The following TM4SF4 variants were observed in gnomAD, a reference collection of about 807,000 sequenced individuals.
TM4SF4 encodes transmembrane 4 L six family member 4.
A neutral mutation model predicts 24.1 loss-of-function variants in TM4SF4; 24 were observed. That is an observed-to-expected ratio of 1.00 (90% CI 0.72 to 1.40). The LOEUF (loss-of-function observed/expected upper bound fraction) is 1.40, where lower values mean the gene tolerates loss of function less well. Ranked by LOEUF, TM4SF4 falls within the 40% of genes most tolerant of loss-of-function variation. The pLI, the probability that TM4SF4 is intolerant of heterozygous loss-of-function variation, is 0.00. For missense variants in TM4SF4, 254 were observed against 254.2 expected (o/e 1.00, Z 0.01); for synonymous variants, 113 against 97.0 (o/e 1.17, Z -0.97).
At chr3:149,479,623 C>T (rs1327305549) in intron 2 of TM4SF4, among the ~76,000 whole-genome samples, 1 of 152,190 alleles carries the variant, frequency 6.6e-6, no homozygotes, top group East Asian at 1.9e-4. Context: ...TCCAAAGGCT[C>T]ACGCATTCCC....
intron 3 of TM4SF4, among the ~76,000 whole-genome samples, chr3:149,498,169 C>A (rs57941249): frequency 0.086 from 13,049 of 152,228 alleles, 1,107 homozygotes; most frequent in East Asian, 0.43. Flanking sequence ...TGAAATCAGG[C>A]TCTTCCCTTT....
intron 3 of TM4SF4, among the ~76,000 whole-genome samples, chr3:149,496,544 G>A (rs1034447359): frequency 1.1e-4 from 17 of 152,100 alleles, no homozygotes; most frequent in Admixed American, 4.6e-4. Flanking sequence ...CACTTTGGGC[G>A]GATCACCCGA....
Position 149,474,988 on chromosome 3 carries a change from T to C in TM4SF4, c.111T>C (p.Asp37=). ...LLFFPGGKVI[D]DNDHLSQEIW... ...TTTTTCCTGGAGGAAAAGTGATAGA[T>C]GACAACGACCACCTTTCCCAAGAGA... Residue 37 remains aspartate, a synonymous_variant, in exon 1 of 5, where the codon GAT becomes GAC. Transcript: ENST00000305354. 3.1e-6 allele frequency: 5 copies of C among 1,613,938 alleles called. No individual in the cohort carries two copies. The highest frequency in any genetic ancestry group is 3.4e-6 in the Non-Finnish European group (4 of 1,179,864).
At chr3:149,480,574 G>A (rs908146967) in intron 2 of TM4SF4, among the ~76,000 whole-genome samples, 5 of 152,034 alleles carry the variant, frequency 3.3e-5, no homozygotes, top group Admixed American at 6.6e-5. Flanking sequence ...ACTTCTTCCC[G>A]TGCCTGGCTC....
At chr3:149,478,143 T>G (rs571117137) in intron 2 of TM4SF4, among the ~76,000 whole-genome samples, 8 of 152,298 alleles carry the variant, frequency 5.3e-5, no homozygotes, top group Non-Finnish European at 7.3e-5. Flanking sequence ...AGTTTGTCTT[T>G]TTGTTGTTGT....
At chr3:149,486,736 C>T (rs569935295) in intron 2 of TM4SF4, among the ~76,000 whole-genome samples, 36 of 151,990 alleles carry the variant, frequency 2.4e-4, no homozygotes, top group African/African-American at 7.5e-4. Flanking sequence ...GAAAATGCTC[C>T]GAGGGTGGAA....
intron 3 of TM4SF4, among the ~76,000 whole-genome samples, chr3:149,497,393 C>G (rs759787967): frequency 1.3e-5 from 2 of 152,104 alleles, no homozygotes; most frequent in Non-Finnish European, 2.9e-5. Flanking sequence ...ATTTTGAAAT[C>G]AAAAGCAAAA....
chr3:149,479,678 A>G (rs9860963), intron 2 of TM4SF4, among the ~76,000 whole-genome samples: 45,118 of 152,150 alleles, frequency 0.3, 8,148 homozygotes, highest in Non-Finnish European at 0.41. Flanking sequence ...TCTGTGGAGC[A>G]CTGCAATAGG....
Position 149,487,842 on chromosome 3 carries a change from T to C in TM4SF4, c.401+87T>C, listed in dbSNP as rs1734146074. ...CAAGGGGAGACTGCACACAATGCCATGTCTTCATCCTTATGCAAGCCTCAG... is the reference window on the plus strand; with the variant it reads ...CAAGGGGAGACTGCACACAATGCCACGTCTTCATCCTTATGCAAGCCTCAG... On this transcript the variant is annotated intron_variant, in intron 3 of 4. Transcript: ENST00000305354. 4 of 1,544,484 alleles carry C rather than the reference T, an allele frequency of 2.6e-6. No individual in the cohort carries two copies. In the South Asian group the frequency reaches 4.7e-5, roughly 18 times the overall value.
intron 2 of TM4SF4, among the ~76,000 whole-genome samples, chr3:149,479,620 G>T (rs529224578): frequency 6.6e-6 from 1 of 152,126 alleles, no homozygotes; most frequent in South Asian, 2.1e-4. Context: ...TTTTCCAAAG[G>T]CTCACGCATT....
intron 1 of TM4SF4, 33 bp from the exon 2 acceptor site, chr3:149,475,790 G>A (rs1292567421): frequency 1.7e-5 from 26 of 1,571,152 alleles, no homozygotes; most frequent in Non-Finnish European, 2.0e-5. Flanking sequence ...TTCAACTCCT[G>A]GACTCTCTCT....
At chr3:149,488,655 G>A (rs1189187678) in intron 3 of TM4SF4, among the ~76,000 whole-genome samples, 1 of 152,284 alleles carries the variant, frequency 6.6e-6, no homozygotes, top group Middle Eastern at 3.4e-3. Context: ...AGGGTTTGTA[G>A]CTACTGTATT....
At chr3:149,476,796 TTTTTTGTTTTTGTTTTTG>T (rs1315597428) in intron 2 of TM4SF4, among the ~76,000 whole-genome samples, 71 of 71,048 alleles carry the variant, frequency 1.0e-3, no homozygotes, top group African/African-American at 1.2e-3. Context: ...TTTTCTGTTT[TTTTTTGTTTTTGTTTTTG>T]TTTTTTTTTT....
At chr3:149,484,673 T>C (rs1311182571) in intron 2 of TM4SF4, among the ~76,000 whole-genome samples, 1 of 151,946 alleles carries the variant, frequency 6.6e-6, no homozygotes, top group Non-Finnish European at 1.5e-5. Context: ...TGCCTTGGCC[T>C]CCCGAGTAAC....
chr3:149,495,338 A>C (rs1420778018), intron 3 of TM4SF4: 1 of 298,688 alleles, frequency 3.3e-6, no homozygotes, highest in Non-Finnish European at 6.9e-6. Flanking sequence ...GAAGGTCTGG[A>C]CTGTGTCCTA....
At chr3:149,475,189 C>T in intron 1 of TM4SF4, 138 bp downstream of exon 1, 1 of 946,778 alleles carries the variant, frequency 1.1e-6, no homozygotes. Context: ...AGGTCAATGC[C>T]TTAATTTTTT....
intron 2 of TM4SF4, among the ~76,000 whole-genome samples, chr3:149,483,470 A>AG (rs1173594145): frequency 6.6e-6 from 1 of 151,668 alleles, no homozygotes; most frequent in Admixed American, 6.6e-5. Context: ...AACTATAACA[A>AG]AAAAAAGAAT....
chr3:149,485,981 G>A (rs1185123307), intron 2 of TM4SF4, among the ~76,000 whole-genome samples: 1 of 152,142 alleles, frequency 6.6e-6, no homozygotes, highest in Non-Finnish European at 1.5e-5. Context: ...GCATCAATCA[G>A]ATGAGTTGGC....
At chr3:149,498,588 G>T (rs533868004) in intron 3 of TM4SF4, 134 bp from the exon 4 acceptor site, 1 of 746,980 alleles carries the variant, frequency 1.3e-6, no homozygotes, top group Non-Finnish European at 2.3e-6. Context: ...TAAATTGTTA[G>T]TACAGAGTAT....
Sources: gnomAD v4.1 joint callset for allele counts (sites outside exome capture counted in the v4.1 genomes callset) on GRCh38, gnomAD v4.1.1 for gene constraint, MANE v1.5 for transcripts, NCBI Gene and HGNC (gene_info 2026-07-23, HGNC 2026-07-21) for gene names.